COL11A1: variants seen among roughly 807,000 people sequenced by gnomAD.
COL11A1 encodes the protein collagen alpha-1(XI) chain.
Under a neutral mutation model 265.2 loss-of-function variants are expected in COL11A1, and 74 were observed. That is an observed-to-expected ratio of 0.28 (90% CI 0.23 to 0.34). COL11A1 has a LOEUF of 0.34. Among genes scored for constraint, COL11A1 ranks in the 10% least tolerant of loss-of-function variants. The pLI, the probability that COL11A1 is intolerant of heterozygous loss-of-function variation, is 1.00. For synonymous variants in COL11A1, 816 were observed against 727.6 expected, an observed-to-expected ratio of 1.12 and a Z score of -1.96; for missense variants, 2,165 against 2,263.6, an observed-to-expected ratio of 0.96 and a Z score of 0.88.
chr1:103,041,053 CACTT>C (rs1363653523), intron 4 of COL11A1, among the ~76,000 whole-genome samples: 1 of 151,564 alleles, frequency 6.6e-6, no homozygotes, highest in Non-Finnish European at 1.5e-5. Flanking sequence ...TTTATTTTAA[CACTT>C]AGACTCAAAA....
chr1:102,936,520 A>G lies in COL11A1; in HGVS notation c.3439-1407T>C, dbSNP rs377530366. 2.0e-4 allele frequency among the ~76,000 whole-genome samples: 31 copies of G among 152,288 alleles called. No homozygotes were observed. In the East Asian group the frequency reaches 2.7e-3, roughly 13 times the overall value. On this transcript the variant is annotated intron_variant, in intron 44 of 66. Coordinates refer to ENST00000370096, the MANE Select transcript of COL11A1 (RefSeq NM_001854.4). ...AAACAACTGACAGTATTTACTGTCA[A>G]TAACGTTCAAACTTTAAAGCAAAAA... is the stretch of plus-strand genomic sequence containing the variant.
chr1:102,968,898 AT>A (rs1661690490), intron 37 of COL11A1, among the ~76,000 whole-genome samples: 2 of 152,198 alleles, frequency 1.3e-5, no homozygotes, highest in South Asian at 2.1e-4. Context: ...AAAGGACTTT[AT>A]AACAGTAATT....
chr1:102,918,640 C>A (rs1275343084), intron 49 of COL11A1, among the ~76,000 whole-genome samples: 1 of 150,424 alleles, frequency 6.6e-6, no homozygotes, highest in East Asian at 1.9e-4. Flanking sequence ...TTCTATCGTG[C>A]TGTCACATAA....
intron 41 of COL11A1, among the ~76,000 whole-genome samples, chr1:102,952,012 G>T (rs1383643922): frequency 6.6e-6 from 1 of 151,988 alleles, no homozygotes; most frequent in Non-Finnish European, 1.5e-5. Context: ...AAAATTAATT[G>T]AAATATTTTA....
At chr1:103,002,593 G>T in intron 22 of COL11A1, 112 bp from the exon 23 acceptor site, 1 of 1,149,898 alleles carries the variant, frequency 8.7e-7, no homozygotes, top group East Asian at 2.5e-5. Context: ...TCCCTCATGA[G>T]ATTCTGGAAA....
At chr1:103,021,373 C>A (rs1460483619) in intron 9 of COL11A1, among the ~76,000 whole-genome samples, 1 of 151,944 alleles carries the variant, frequency 6.6e-6, no homozygotes, top group Non-Finnish European at 1.5e-5. Flanking sequence ...AGCTAAAAGT[C>A]CTATTATATC....
At chr1:103,080,510 T>C (rs770161394) in intron 2 of COL11A1, among the ~76,000 whole-genome samples, 7 of 151,780 alleles carry the variant, frequency 4.6e-5, no homozygotes, top group Non-Finnish European at 1.0e-4. Context: ...ATGGACAAGA[T>C]GTCTGAATAA....
intron 6 of COL11A1, chr1:103,025,985 CAT>C (rs1667479605): frequency 1.3e-6 from 2 of 1,593,748 alleles, no homozygotes; most frequent in Middle Eastern, 1.7e-4. Context: ...GAATGGAAAA[CAT>C]AAATAAACGA....
intron 4 of COL11A1, among the ~76,000 whole-genome samples, chr1:103,072,393 T>C (rs1185007881): frequency 3.9e-5 from 6 of 151,912 alleles, no homozygotes; most frequent in Non-Finnish European, 8.8e-5. Context: ...GTGACATTTC[T>C]AGTTTTCAGA....
At position 102,879,772 on chromosome 1, in the gene COL11A1, C is replaced by T; in HGVS notation, c.5185G>A (p.Asp1729Asn). ...AWYDVSSGSY[D>N]KALRFLGSND... ...GATCCCAGGAAGCGAAGTGCTTTGT[C>T]ATAACTTCCTGATGACACATCATAC... is the stretch of plus-strand genomic sequence containing the variant. The change falls in exon 66 of 67, where the codon GAC (aspartate) becomes AAC (asparagine). Residue 1729 changes from aspartate to asparagine, a missense_variant. By Grantham distance (23) the Asp-to-Asn change is conservative. Coordinates refer to ENST00000370096, the MANE Select transcript of COL11A1 (RefSeq NM_001854.4). The T allele has an allele frequency of 1.2e-6, 2 of 1,613,974 alleles. No individual in the cohort carries two copies. The highest frequency in any genetic ancestry group is 1.7e-6 in the Non-Finnish European group (2 of 1,179,910).
chr1:103,078,960 C>T (rs1309132762), intron 2 of COL11A1, 89 bp from the exon 3 acceptor site: 2 of 886,434 alleles, frequency 2.3e-6, no homozygotes, highest in African/African-American at 1.7e-5. Flanking sequence ...GAAATTTCTA[C>T]ATGGCCTTTA....
intron 31 of COL11A1, among the ~76,000 whole-genome samples, chr1:102,982,406 A>G (rs1196589528): frequency 2.6e-5 from 4 of 152,072 alleles, no homozygotes; most frequent in Admixed American, 1.3e-4. Context: ...TTAACTTAAT[A>G]AATAGATCAA....
intron 20 of COL11A1, among the ~76,000 whole-genome samples, chr1:103,004,117 C>T (rs1025518912): frequency 5.3e-5 from 8 of 151,882 alleles, no homozygotes; most frequent in African/African-American, 1.9e-4. Flanking sequence ...TAATAGGATT[C>T]ATTTCTTCTC....
intron 29 of COL11A1, among the ~76,000 whole-genome samples, chr1:102,988,874 C>T (rs961324524): frequency 6.6e-6 from 1 of 151,862 alleles, no homozygotes; most frequent in African/African-American, 2.4e-5. Context: ...ATGTTATTGC[C>T]CCCAATCCTG....
At chr1:102,949,085 C>A (rs1659610089) in intron 41 of COL11A1, among the ~76,000 whole-genome samples, 1 of 151,948 alleles carries the variant, frequency 6.6e-6, no homozygotes, top group East Asian at 1.9e-4. Flanking sequence ...AGAAAAAAGT[C>A]AGTAATAAAA....
chr1:102,910,015 A>C (rs1450145024), intron 54 of COL11A1, among the ~76,000 whole-genome samples: 2 of 152,044 alleles, frequency 1.3e-5, no homozygotes, highest in Non-Finnish European at 1.5e-5. Context: ...CAACATTATT[A>C]TGTCAAAATA....
intron 36 of COL11A1, 115 bp from the exon 37 acceptor site, chr1:102,970,387 T>C (rs1229671679): frequency 1.4e-6 from 1 of 730,578 alleles, no homozygotes; most frequent in African/African-American, 1.8e-5. Flanking sequence ...GCTATTTTAC[T>C]TTGCTCTTCT....
Position 102,913,688 on chromosome 1 carries a change from A to T in COL11A1, c.3981T>A (p.Gly1327=), listed in dbSNP as rs760243810. The part of the protein sequence containing the change: ...PGPPGEPGPA[G]QDGVGGDKGE... Reference sequence around the variant, plus strand: ...CCTTGTCACCACCAACACCATCTTGACCCTATAAGAGGCAATAAAATATGA... The same window carrying T: ...CCTTGTCACCACCAACACCATCTTGTCCCTATAAGAGGCAATAAAATATGA... The change falls in exon 53 of 67, where the codon GGT becomes GGA. Residue 1327 remains glycine (G), a splice_region_variant and synonymous_variant. Transcript: ENST00000370096. 6.8e-6 allele frequency: 11 copies of T among 1,613,190 alleles called. No homozygotes were observed. Among genetic ancestry groups the T allele is most frequent in the Non-Finnish European group, 9.3e-6 (11 of 1,179,492 alleles).
chr1:103,022,329 T>G (rs1449756025), intron 8 of COL11A1, among the ~76,000 whole-genome samples: 1 of 152,130 alleles, frequency 6.6e-6, no homozygotes, highest in Non-Finnish European at 1.5e-5. Flanking sequence ...GATTGCCTCT[T>G]ATAAACATGT....
Sources: allele counts gnomAD v4.1 joint callset (sites outside exome capture counted in the v4.1 genomes callset), GRCh38; gene constraint gnomAD v4.1.1; transcripts MANE v1.5; gene names NCBI Gene and HGNC (gene_info 2026-07-23, HGNC 2026-07-21).